GRIA1: variants seen among roughly 807,000 people sequenced by gnomAD.
GRIA1 encodes glutamate receptor 1.
Under a neutral mutation model 99.2 loss-of-function variants are expected in GRIA1, and 31 were observed. The ratio of observed to expected loss-of-function variants is 0.31; its 90% CI spans 0.23 to 0.42. The LOEUF (loss-of-function observed/expected upper bound fraction) is 0.42. Ranked by LOEUF, GRIA1 falls within the 10% of genes least tolerant of loss-of-function variation. GRIA1 has a pLI of 1.00. For missense variants in GRIA1, 782 were observed against 1,157.5 expected (o/e 0.68, Z 4.71); for synonymous variants, 438 against 432.4 (o/e 1.01, Z -0.16).
At chr5:153,755,521 C>T (rs759888640) in intron 11 of GRIA1, 9 of 152,332 alleles carry the variant, frequency 5.9e-5, no homozygotes, top group Non-Finnish European at 8.8e-5. Context: ...AATATAGTGA[C>T]GTCCCAGGAG....
intron 2 of GRIA1, among the ~76,000 whole-genome samples, chr5:153,565,740 T>C (rs753188032): frequency 5.3e-5 from 8 of 152,162 alleles, no homozygotes; most frequent in Non-Finnish European, 1.0e-4. Flanking sequence ...CTTAGCATAA[T>C]GTTTTCAAGG....
Position 153,638,542 on chromosome 5 carries a change from A to G in GRIA1, c.221-8386A>G, listed in dbSNP as rs577763473. On this transcript the variant is annotated intron_variant, in intron 2 of 15. Coordinates refer to ENST00000285900, the MANE Select transcript of GRIA1 (RefSeq NM_000827.4). ...GCTTCCCTTGACCCAGGGGCGGCCC[A>G]TGCCCAAGCAAGGCTAATCTTGAAC... Among the ~76,000 whole-genome samples the G allele has an allele frequency of 2.6e-5, 4 of 152,352 alleles. No homozygotes were observed. The South Asian group carries it at 8.3e-4, about 32-fold the overall frequency.
At chr5:153,701,641 A>AAAAAAAAAAAAAAAC (rs1758535003) in intron 10 of GRIA1, among the ~76,000 whole-genome samples, 1 of 149,458 alleles carries the variant, frequency 6.7e-6, no homozygotes, top group African/African-American at 2.5e-5. Flanking sequence ...AAAAAAAAAA[A>AAAAAAAAAAAAAAAC]ATACTATGTT....
chr5:153,802,318 C>G lies in GRIA1; in HGVS notation c.2386-38C>G, dbSNP rs757133649. The G allele has an allele frequency of 5.6e-6, 9 of 1,603,880 alleles. No individual in the cohort carries two copies. In the South Asian group the frequency reaches 8.8e-5, roughly 16 times the overall value. Reference sequence around the variant, plus strand: ...CTTTAGCCTCTTGACTCACTTTATTCTTCCCCCTCCCCTTCCTTTCCCTCC... The same window carrying G: ...CTTTAGCCTCTTGACTCACTTTATTGTTCCCCCTCCCCTTCCTTTCCCTCC... On this transcript the variant is annotated intron_variant, in intron 14 of 15. Coordinates refer to ENST00000285900, the MANE Select transcript of GRIA1 (RefSeq NM_000827.4).
At chr5:153,613,118 C>T (rs1300527918) in intron 2 of GRIA1, among the ~76,000 whole-genome samples, 2 of 151,930 alleles carry the variant, frequency 1.3e-5, no homozygotes, top group South Asian at 4.2e-4. Context: ...TCTTTTCCTC[C>T]CCCCAATAAA....
chr5:153,554,757 G>GTGC (rs1388785684), intron 2 of GRIA1, among the ~76,000 whole-genome samples: 1 of 152,174 alleles, frequency 6.6e-6, no homozygotes, highest in East Asian at 1.9e-4. Flanking sequence ...GCCTCCCAAA[G>GTGC]TGCTGGAATT....
intron 7 of GRIA1, among the ~76,000 whole-genome samples, chr5:153,681,335 G>A (rs1202206149): frequency 2.0e-5 from 3 of 152,152 alleles, no homozygotes; most frequent in Admixed American, 2.0e-4. Flanking sequence ...CCAACGTCCA[G>A]GGTCATATTT....
chr5:153,550,686 T>C (rs1760056292), intron 2 of GRIA1, among the ~76,000 whole-genome samples: 1 of 152,178 alleles, frequency 6.6e-6, no homozygotes, highest in Admixed American at 6.5e-5. Context: ...CAAATAACTT[T>C]ACCTGTTCCT....
intron 2 of GRIA1, among the ~76,000 whole-genome samples, chr5:153,602,619 C>T (rs941196745): frequency 1.1e-4 from 16 of 152,148 alleles, no homozygotes; most frequent in African/African-American, 3.9e-4. Context: ...CTAACACTCC[C>T]ATTTGATAGA....
At chr5:153,584,015 C>G (rs1258826005) in intron 2 of GRIA1, among the ~76,000 whole-genome samples, 2 of 152,166 alleles carry the variant, frequency 1.3e-5, no homozygotes, top group Non-Finnish European at 2.9e-5. Flanking sequence ...ATGTCTGCCC[C>G]AAGGGGCTAC....
At chr5:153,713,668 G>T (rs987480833) in intron 11 of GRIA1, among the ~76,000 whole-genome samples, 2 of 152,204 alleles carry the variant, frequency 1.3e-5, no homozygotes, top group African/African-American at 2.4e-5. Context: ...GTCTCAGCCT[G>T]CAGTTCTGGC....
At chr5:153,528,427 C>T (rs1012111355) in intron 2 of GRIA1, among the ~76,000 whole-genome samples, 2 of 152,258 alleles carry the variant, frequency 1.3e-5, no homozygotes, top group Admixed American at 6.5e-5. Flanking sequence ...AGGGTACAGG[C>T]TCAGAGGACT....
In GRIA1 at chr5:153,686,317, C is replaced by T. The variant is rs140876127; in HGVS notation, c.1122C>T (p.Asp374=). The T allele has an allele frequency of 4.1e-5, 66 of 1,612,790 alleles. No homozygotes were observed. In the East Asian group the frequency reaches 1.0e-3, roughly 25 times the overall value. ...YTLHVIEMKH[D]GIRKIGYWNE... ...TCCACGTGATTGAAATGAAACATGA[C>T]GGCATCCGAAAGGTAAGGTCCCCCT... The change falls in exon 8 of 16, where the codon GAC becomes GAT. Residue 374 remains aspartate (D), a synonymous_variant. Coordinates refer to ENST00000285900, the MANE Select transcript of GRIA1 (RefSeq NM_000827.4).
chr5:153,715,997 G>A (rs1221723351), intron 11 of GRIA1, among the ~76,000 whole-genome samples: 1 of 152,188 alleles, frequency 6.6e-6, no homozygotes, highest in Non-Finnish European at 1.5e-5. Flanking sequence ...AAGAATTGGA[G>A]ATAAAGAAAT....
chr5:153,545,255 G>A (rs546115301), intron 2 of GRIA1, among the ~76,000 whole-genome samples: 45 of 152,276 alleles, frequency 3.0e-4, no homozygotes, highest in African/African-American at 1.0e-3. Context: ...AATTGAGGGA[G>A]AACGACAGTT....
intron 3 of GRIA1, among the ~76,000 whole-genome samples, chr5:153,650,107 G>A (rs1754444177): frequency 6.6e-6 from 1 of 152,170 alleles, no homozygotes; most frequent in Non-Finnish European, 1.5e-5. Context: ...TGTTGGATTT[G>A]AGCCTCAGAT....
chr5:153,620,049 C>T (rs1337157330), intron 2 of GRIA1, among the ~76,000 whole-genome samples: 1 of 152,112 alleles, frequency 6.6e-6, no homozygotes, highest in African/African-American at 2.4e-5. Flanking sequence ...TAATGTGTGA[C>T]ACACCATGAA....
intron 2 of GRIA1, among the ~76,000 whole-genome samples, chr5:153,638,236 C>T (rs1753529497): frequency 6.6e-6 from 1 of 152,134 alleles, no homozygotes; most frequent in African/African-American, 2.4e-5. Flanking sequence ...GTCTTATTTA[C>T]CACTCTATTC....
chr5:153,740,585 ACTT>A (rs1244802744), intron 11 of GRIA1, among the ~76,000 whole-genome samples: 1 of 152,188 alleles, frequency 6.6e-6, no homozygotes, highest in Non-Finnish European at 1.5e-5. Flanking sequence ...GGGGGAAAAT[ACTT>A]CTTCCTAGGG....
Sources: gnomAD v4.1 joint callset for allele counts (sites outside exome capture counted in the v4.1 genomes callset) on GRCh38, gnomAD v4.1.1 for gene constraint, MANE v1.5 for transcripts, NCBI Gene and HGNC (gene_info 2026-07-23, HGNC 2026-07-21) for gene names.